Variants in INSC observed in about 807,000 individuals in gnomAD.
The protein encoded by INSC is protein inscuteable homolog.
INSC carries 67 observed loss-of-function variants against 58.6 expected under a neutral mutation model. That is an observed-to-expected ratio of 1.14 (90% CI 0.94 to 1.40). INSC has a LOEUF of 1.40. Ranked by LOEUF, INSC falls within the 40% of genes most tolerant of loss-of-function variation. The pLI is 0.00. For missense variants in INSC, 714 were observed against 692.0 expected (o/e 1.03, Z -0.36); for synonymous variants, 262 against 276.1 (o/e 0.95, Z 0.51).
chr11:15,182,003 T>C (rs183660215), intron 5 of INSC, among the ~76,000 whole-genome samples: 1 of 152,226 alleles, frequency 6.6e-6, no homozygotes, highest in Admixed American at 6.5e-5. Flanking sequence ...CATTCCAGTG[T>C]GTGGGGAGTT....
intron 7 of INSC, among the ~76,000 whole-genome samples, chr11:15,207,986 CT>C (rs1388686230): frequency 4.6e-5 from 7 of 152,124 alleles, no homozygotes; most frequent in South Asian, 4.1e-4. Flanking sequence ...AGTGTGCCCC[CT>C]GGTCCCATTA....
At chr11:15,193,107 C>G (rs1053238052) in intron 6 of INSC, among the ~76,000 whole-genome samples, 1 of 152,168 alleles carries the variant, frequency 6.6e-6, no homozygotes, top group Non-Finnish European at 1.5e-5. Context: ...CCAAAGGATT[C>G]ATTGCACTTA....
At chr11:15,226,563 T>C (rs2133944670) in intron 9 of INSC, among the ~76,000 whole-genome samples, 1 of 152,266 alleles carries the variant, frequency 6.6e-6, no homozygotes, top group Admixed American at 6.5e-5. Flanking sequence ...GATTAGGTGG[T>C]CTCTGTAAAT....
At chr11:15,127,944 G>A (rs531600553) in intron 1 of INSC, among the ~76,000 whole-genome samples, 4 of 152,044 alleles carry the variant, frequency 2.6e-5, no homozygotes, top group South Asian at 2.1e-4. Context: ...GCAGTGAGCC[G>A]AGATCGTGCC....
chr11:15,165,946 T>C (rs1430109956), intron 2 of INSC, among the ~76,000 whole-genome samples: 4 of 152,136 alleles, frequency 2.6e-5, no homozygotes, highest in Non-Finnish European at 5.9e-5. Context: ...TGACCCATCA[T>C]GATGGGATGA....
chr11:15,230,176 C>T (rs546165845), intron 9 of INSC, among the ~76,000 whole-genome samples: 2 of 146,730 alleles, frequency 1.4e-5, no homozygotes, highest in Admixed American at 1.4e-4. Flanking sequence ...GATGATAGAG[C>T]CAGACCTTGT....
intron 10 of INSC, among the ~76,000 whole-genome samples, chr11:15,236,582 G>C (rs543030646): frequency 6.6e-6 from 1 of 152,272 alleles, no homozygotes; most frequent in South Asian, 2.1e-4. Flanking sequence ...AGGTGGGGTG[G>C]GCCAGGTTTC....
chr11:15,208,024 C>A (rs891377714), intron 7 of INSC, among the ~76,000 whole-genome samples: 1 of 152,134 alleles, frequency 6.6e-6, no homozygotes, highest in African/African-American at 2.4e-5. Context: ...GTGTGCAGAT[C>A]CCAAAGCAAA....
intron 2 of INSC, among the ~76,000 whole-genome samples, chr11:15,155,671 A>G (rs1848791046): frequency 6.6e-6 from 1 of 152,232 alleles, no homozygotes; most frequent in Non-Finnish European, 1.5e-5. Context: ...TCCTTTACAG[A>G]GAACTCCCCA....
intron 6 of INSC, among the ~76,000 whole-genome samples, chr11:15,192,452 A>G (rs1850215874): frequency 6.6e-6 from 1 of 152,228 alleles, no homozygotes; most frequent in African/African-American, 2.4e-5. Context: ...AGTAGCAGGC[A>G]CTGTCTCAGC....
intron 1 of INSC, among the ~76,000 whole-genome samples, chr11:15,119,596 T>C (rs1847818908): frequency 6.6e-6 from 1 of 152,232 alleles, no homozygotes; most frequent in Non-Finnish European, 1.5e-5. Flanking sequence ...GAAGGTTTTG[T>C]CTTACAAACC....
intron 2 of INSC, among the ~76,000 whole-genome samples, chr11:15,164,831 G>A (rs1849140767): frequency 6.6e-6 from 1 of 151,992 alleles, no homozygotes; most frequent in African/African-American, 2.4e-5. Flanking sequence ...TCATGGGGGT[G>A]GTTTCCCCCA....
At chr11:15,260,335 C>A in the INSC span, among the ~76,000 whole-genome samples, 1 of 152,122 alleles carries the variant, frequency 6.6e-6, no homozygotes, top group East Asian at 1.9e-4. Context: ...TTGAGAAGCA[C>A]TCTTACGATG....
chr11:15,194,884 T>A (rs1266560662), intron 6 of INSC, among the ~76,000 whole-genome samples: 1 of 152,186 alleles, frequency 6.6e-6, no homozygotes, highest in Admixed American at 6.5e-5. Flanking sequence ...GACTCAGGAG[T>A]TCTCAATCCT....
Position 15,225,732 on chromosome 11 carries a change from G to A in INSC, c.1074G>A (p.Met358Ile), listed in dbSNP as rs1851609639. ...CCAACATCACGTTCTTTGACACAAT[G>A]GCCTGCGAGATGCTCCTGCAGTTGA... ...ALANITFFDT[M>I]ACEMLLQLNA... Residue 358 changes from methionine (M) to isoleucine (I), a missense_variant, in exon 9 of 13, where the codon ATG becomes ATA. Coordinates refer to ENST00000379556, the MANE Select transcript of INSC (RefSeq NM_001042536.3). 1.2e-6 allele frequency: 2 copies of A among 1,614,114 alleles called. No individual in the cohort carries two copies. Among genetic ancestry groups the A allele is most frequent in the East Asian group, 2.2e-5 (1 of 44,878 alleles).
chr11:15,128,714 T>A (rs1192543938), intron 1 of INSC, among the ~76,000 whole-genome samples: 1 of 152,128 alleles, frequency 6.6e-6, no homozygotes, highest in Non-Finnish European at 1.5e-5. Context: ...AAGGTTGAAA[T>A]GTTCTTAGTC....
intron 1 of INSC, among the ~76,000 whole-genome samples, chr11:15,120,800 A>G (rs1329314893): frequency 1.3e-5 from 2 of 152,312 alleles, no homozygotes; most frequent in East Asian, 3.9e-4. Flanking sequence ...TTCAACAAAC[A>G]TTTATTGAGT....
chr11:15,157,198 A>C (rs2133771712), intron 2 of INSC, among the ~76,000 whole-genome samples: 1 of 152,282 alleles, frequency 6.6e-6, no homozygotes, highest in East Asian at 1.9e-4. Context: ...CAAGGGGACA[A>C]TCTTAATAGC....
chr11:15,112,571 T>C, upstream of INSC: 1 of 1,548,040 alleles, frequency 6.5e-7, no homozygotes, highest in Non-Finnish European at 8.8e-7. Context: ...GTGCCGTATG[T>C]ATCTGGGAAG....
Sources: allele counts gnomAD v4.1 joint callset (sites outside exome capture counted in the v4.1 genomes callset), GRCh38; gene constraint gnomAD v4.1.1; transcripts MANE v1.5; gene names NCBI Gene and HGNC (gene_info 2026-07-23, HGNC 2026-07-21).